TAF1: variants seen among roughly 807,000 people sequenced by gnomAD.
The protein encoded by TAF1 is TATA-box binding protein associated factor 1, also known as transcription initiation factor TFIID subunit 1.
Under a neutral mutation model 138.5 loss-of-function variants are expected in TAF1, and 2 were observed. The ratio of observed to expected loss-of-function variants is 0.01; its 90% confidence interval spans 0.01 to 0.05. The LOEUF is 0.05. Ranked by LOEUF, TAF1 falls within the 10% of genes least tolerant of loss-of-function variation. The pLI is 1.00. For synonymous variants in TAF1, 437 were observed against 503.2 expected (o/e 0.87, Z 1.76); for missense variants, 709 against 1,478.0 (o/e 0.48, Z 8.53).
At chrX:71,367,693 C>A in intron 2 of TAF1, 80 bp downstream of exon 2, 2 of 1,065,488 alleles carry the variant, frequency 1.9e-6, no homozygotes, top group Non-Finnish European at 2.6e-6. Context: ...GTGTGTAAGA[C>A]GGAGTTTCGC....
intron 32 of TAF1, among the ~76,000 whole-genome samples, chrX:71,442,889 G>T (rs190589481): frequency 3.4e-4 from 38 of 112,240 alleles, no homozygotes; most frequent in Non-Finnish European, 3.2e-4. Context: ...CGGCTAGACA[G>T]TTTTCCCAGC....
intron 13 of TAF1, among the ~76,000 whole-genome samples, chrX:71,475,584 C>CAAAAAA (rs78014278): frequency 4.8e-5 from 2 of 41,448 alleles, no homozygotes; most frequent in South Asian, 1.3e-3. Context: ...GACTCCGTTT[C>CAAAAAA]AAAAAAAAAA....
chrX:71,408,242 G>C (rs77970693), intron 28 of TAF1, 91 bp downstream of exon 28: 1 of 1,007,242 alleles, frequency 9.9e-7, no homozygotes, highest in Non-Finnish European at 1.4e-6. Context: ...GGACTGAGAG[G>C]ACTACAGTGT....
intron 13 of TAF1, among the ~76,000 whole-genome samples, chrX:71,490,053 C>T (rs750400499): frequency 2.7e-5 from 3 of 111,262 alleles, no homozygotes; most frequent in Non-Finnish European, 5.7e-5. Flanking sequence ...CCTCCTCCAC[C>T]CCCTCCACTT....
chrX:71,391,629 C>CT (rs763621504), intron 18 of TAF1, among the ~76,000 whole-genome samples: 3,312 of 97,166 alleles, frequency 0.034, 196 homozygotes, highest in African/African-American at 0.11. Flanking sequence ...CATATATACT[C>CT]TTTTTTTTTT....
chrX:71,456,253 T>C (rs2038274553), intron 34 of TAF1, among the ~76,000 whole-genome samples: 1 of 112,033 alleles, frequency 8.9e-6, no homozygotes, highest in South Asian at 3.7e-4. Context: ...AAAGTCACCT[T>C]CCTTTCTTCA....
At chrX:71,487,317 A>ATTTTTTTTT (rs60691914) in intron 13 of TAF1, among the ~76,000 whole-genome samples, 71 of 54,983 alleles carry the variant, frequency 1.3e-3, no homozygotes, top group Non-Finnish European at 1.6e-3. Context: ...TAATGTATGT[A>ATTTTTTTTT]TTTTTTTTTT....
intron 13 of TAF1, among the ~76,000 whole-genome samples, chrX:71,483,280 G>A (rs1342478313): frequency 1.9e-5 from 2 of 106,155 alleles, no homozygotes; most frequent in African/African-American, 6.9e-5. Context: ...GAGCCACCAC[G>A]CCTGGCCAAG....
At chrX:71,397,509 A>G (rs1365629915) in intron 23 of TAF1, 43 bp downstream of exon 23, 2 of 1,199,361 alleles carry the variant, frequency 1.7e-6, no homozygotes, top group Admixed American at 4.4e-5. Context: ...TTGAGGACAG[A>G]GTCTTGCTCT....
At chrX:71,508,613 A>G (rs1171821280) in intron 13 of TAF1, among the ~76,000 whole-genome samples, 1 of 105,524 alleles carries the variant, frequency 9.5e-6, no homozygotes, top group African/African-American at 3.5e-5. Context: ...TCTGAAAAAA[A>G]AAAAAAAAAG....
rs1453654328 is a variant in TAF1 at position 71,407,815 on chromosome X, G to GT, written c.4206+150dup. 5 of 960,342 alleles carry GT rather than the reference G, an allele frequency of 5.2e-6. No individual in the cohort carries two copies. The African/African-American group carries it at 7.9e-5, about 15-fold the overall frequency. The allele number at this position is 960,342 out of a possible 1,213,427, so 79.1% of individuals were successfully genotyped here. On this transcript the variant is annotated intron_variant, in intron 27 of 37. Transcript: ENST00000423759. ...GGGAGTTAGTTTTTTTTGTTTGTTT[G>GT]TTTTTTTAAGCAGTTTAGTAGAGGA...
intron 13 of TAF1, among the ~76,000 whole-genome samples, chrX:71,504,986 T>C (rs1344349667): frequency 9.5e-6 from 1 of 105,505 alleles, no homozygotes; most frequent in African/African-American, 3.5e-5. Flanking sequence ...AAAAAATTAG[T>C]TGGGCATGGT....
At chrX:71,496,584 T>C (rs1017825776) in intron 13 of TAF1, among the ~76,000 whole-genome samples, 2 of 110,058 alleles carry the variant, frequency 1.8e-5, no homozygotes, top group South Asian at 7.9e-4. Context: ...TTTGTCTGTC[T>C]CTTCCTCTGC....
chrX:71,399,355 C>G (rs1320654705), intron 24 of TAF1, among the ~76,000 whole-genome samples: 2 of 99,141 alleles, frequency 2.0e-5, no homozygotes, highest in African/African-American at 7.5e-5. Flanking sequence ...CTCCTGGGTT[C>G]AAGCGATTTT....
intron 13 of TAF1, among the ~76,000 whole-genome samples, chrX:71,490,732 T>TC (rs1451050449): frequency 1.2e-4 from 11 of 90,940 alleles, no homozygotes; most frequent in African/African-American, 5.2e-4. Flanking sequence ...TCATTTTCTC[T>TC]TTTTTTTTTT....
intron 13 of TAF1, among the ~76,000 whole-genome samples, chrX:71,520,057 G>T (rs1483364839): frequency 9.1e-6 from 1 of 109,902 alleles, no homozygotes; most frequent in African/African-American, 3.3e-5. Context: ...TAAGTGATCC[G>T]CCCACCTCGG....
intron 13 of TAF1, among the ~76,000 whole-genome samples, chrX:71,523,902 A>C (rs1310999278): frequency 8.9e-6 from 1 of 112,045 alleles, no homozygotes; most frequent in Non-Finnish European, 1.9e-5. Flanking sequence ...ATAGATGCAC[A>C]GGAACTTTTA....
At chrX:71,422,132 C>G (rs895617407) in intron 29 of TAF1, among the ~76,000 whole-genome samples, 7 of 111,679 alleles carry the variant, frequency 6.3e-5, no homozygotes, top group Non-Finnish European at 1.1e-4. Flanking sequence ...TTTAGTGTTT[C>G]CAGCAGTAGT....
chrX:71,376,966 A>C lies in TAF1; in HGVS notation c.489A>C (p.Glu163Asp). Reference protein sequence around the residue: ...DSITGVSENGEGIILPSIIAP... With the variant: ...DSITGVSENGDGIILPSIIAP... ...TTGTTGCAGTGTCTGAAAATGGAGAAGGCATCATCTTGCCCTCCATCATTG... is the reference window on the plus strand; with the variant it reads ...TTGTTGCAGTGTCTGAAAATGGAGACGGCATCATCTTGCCCTCCATCATTG... Residue 163 changes from glutamate to aspartate, a missense_variant, in exon 5 of 38, where the codon GAA (glutamate) becomes GAC (aspartate). Coordinates refer to ENST00000423759, the MANE Select transcript of TAF1 (RefSeq NM_004606.5). 1 of 1,211,498 alleles carries C rather than the reference A, an allele frequency of 8.3e-7. No individual in the cohort carries two copies. Among genetic ancestry groups the C allele is most frequent in the African/African-American group, 1.7e-5 (1 of 57,837 alleles).
Sources: gnomAD v4.1 joint callset for allele counts (sites outside exome capture counted in the v4.1 genomes callset) on GRCh38, gnomAD v4.1.1 for gene constraint, MANE v1.5 for transcripts, NCBI Gene and HGNC (gene_info 2026-07-23, HGNC 2026-07-21) for gene names.